The following SLCO1A2 variants were observed in gnomAD, a reference collection of about 807,000 sequenced individuals.
SLCO1A2 encodes the protein OATP-1.
Under a neutral mutation model 69.0 loss-of-function variants are expected in SLCO1A2, and 67 were observed. That is an observed-to-expected ratio of 0.97 (90% CI 0.80 to 1.19). The LOEUF is 1.19. Among genes scored for constraint, SLCO1A2 ranks in the 50% most tolerant of loss-of-function variants. SLCO1A2 has a pLI of 0.00. For synonymous variants in SLCO1A2, 260 were observed against 265.9 expected, an observed-to-expected ratio of 0.98 and a Z score of 0.22; for missense variants, 787 against 793.7, an observed-to-expected ratio of 0.99 and a Z score of 0.10.
chr12:21,275,041 A>T, intron 13 of SLCO1A2: 1 of 1,019,316 alleles, frequency 9.8e-7, no homozygotes, highest in Non-Finnish European at 1.2e-6. Flanking sequence ...TACAGAAGGG[A>T]CATTTGCTAG....
chr12:21,273,257 T>C (rs1371914682), intron 14 of SLCO1A2, among the ~76,000 whole-genome samples: 1 of 152,226 alleles, frequency 6.6e-6, no homozygotes. Flanking sequence ...AGACATTTTC[T>C]TATCATCATG....
intron 1 of SLCO1A2, among the ~76,000 whole-genome samples, chr12:21,416,023 A>C (rs1357036074): frequency 2.0e-5 from 3 of 152,050 alleles, no homozygotes; most frequent in African/African-American, 7.2e-5. Context: ...CTTTTTATAC[A>C]TAGTATCCTC....
At chr12:21,324,293 TTC>T (rs990966874) in intron 2 of SLCO1A2, among the ~76,000 whole-genome samples, 2 of 152,198 alleles carry the variant, frequency 1.3e-5, no homozygotes, top group Admixed American at 1.3e-4. Context: ...GAAACAATTT[TTC>T]TCTCTCTCTA....
chr12:21,285,362 AT>A (rs1471969625), intron 12 of SLCO1A2, among the ~76,000 whole-genome samples: 3 of 151,370 alleles, frequency 2.0e-5, no homozygotes, highest in Non-Finnish European at 4.4e-5. Context: ...TGTGGCAATA[AT>A]CAATAGTTTA....
chr12:21,313,565 A>C (rs1950483397), intron 4 of SLCO1A2, among the ~76,000 whole-genome samples: 1 of 152,076 alleles, frequency 6.6e-6, no homozygotes, highest in South Asian at 2.1e-4. Flanking sequence ...TACAAAAATT[A>C]ACTGAGTGTA....
At chr12:21,387,814 C>T (rs139330066) in intron 1 of SLCO1A2, among the ~76,000 whole-genome samples, 5,804 of 152,224 alleles carry the variant, frequency 0.038, 140 homozygotes, top group African/African-American at 0.068. Flanking sequence ...CAGCTTGCAC[C>T]GTGCACCTGG....
intron 5 of SLCO1A2, among the ~76,000 whole-genome samples, chr12:21,306,623 G>A (rs1233305634): frequency 9.2e-5 from 14 of 152,014 alleles, no homozygotes; most frequent in Admixed American, 1.3e-4. Context: ...CACTGCACCC[G>A]GCCCTTTGAC....
intron 2 of SLCO1A2, among the ~76,000 whole-genome samples, chr12:21,330,026 C>G (rs938964024): frequency 3.9e-5 from 6 of 152,014 alleles, no homozygotes; most frequent in African/African-American, 1.4e-4. Context: ...CTGAAAAGCA[C>G]TTATTTTTCT....
At chr12:21,370,113 G>A (rs551037656) in intron 2 of SLCO1A2, among the ~76,000 whole-genome samples, 1 of 152,100 alleles carries the variant, frequency 6.6e-6, no homozygotes, top group African/African-American at 2.4e-5. Context: ...AAATATCCTG[G>A]ATCAGACAGA....
At chr12:21,401,039 A>T (rs557459752) in intron 1 of SLCO1A2, among the ~76,000 whole-genome samples, 1 of 147,068 alleles carries the variant, frequency 6.8e-6, no homozygotes, top group Admixed American at 6.7e-5. Context: ...ATAAAAAAAA[A>T]GACAAAAAAA....
At chr12:21,353,401 A>G (rs779803132) in intron 2 of SLCO1A2, among the ~76,000 whole-genome samples, 17 of 152,100 alleles carry the variant, frequency 1.1e-4, no homozygotes, top group Non-Finnish European at 2.2e-4. Flanking sequence ...GAGGGAAAAA[A>G]TGCTTAATCC....
upstream of SLCO1A2, among the ~76,000 whole-genome samples, chr12:21,336,614 C>T (rs970239891): frequency 2.0e-5 from 3 of 151,996 alleles, no homozygotes; most frequent in Non-Finnish European, 4.4e-5. Flanking sequence ...AGATACATTT[C>T]AAACATCTTC....
At chr12:21,270,834 G>A (rs1942684968) in intron 14 of SLCO1A2, among the ~76,000 whole-genome samples, 1 of 149,104 alleles carries the variant, frequency 6.7e-6, no homozygotes, top group Non-Finnish European at 1.5e-5. Flanking sequence ...CCTTAATGAT[G>A]TTTTATTTGT....
intron 2 of SLCO1A2, among the ~76,000 whole-genome samples, chr12:21,352,394 A>G (rs1938031830): frequency 6.6e-6 from 1 of 152,206 alleles, no homozygotes; most frequent in Admixed American, 6.5e-5. Flanking sequence ...TTTTTGCAGT[A>G]ACTGGCTTAT....
chr12:21,343,154 T>G (rs74064523), intron 2 of SLCO1A2, among the ~76,000 whole-genome samples: 176 of 152,240 alleles, frequency 1.2e-3, no homozygotes, highest in African/African-American at 4.0e-3. Context: ...ACCTGTTGCT[T>G]TGGGACTCTG....
intron 11 of SLCO1A2, among the ~76,000 whole-genome samples, chr12:21,293,486 A>G (rs922844630): frequency 1.3e-5 from 2 of 151,986 alleles, no homozygotes; most frequent in African/African-American, 4.8e-5. Context: ...GAGGCAAGAG[A>G]ACATTCCTAA....
chr12:21,362,045 T>C (rs928700037), intron 2 of SLCO1A2, among the ~76,000 whole-genome samples: 1 of 151,848 alleles, frequency 6.6e-6, no homozygotes, highest in Non-Finnish European at 1.5e-5. Context: ...ATACAGAGAA[T>C]GCCACAAAGA....
At chr12:21,409,173 C>G (rs1236805116) in intron 1 of SLCO1A2, among the ~76,000 whole-genome samples, 1 of 152,110 alleles carries the variant, frequency 6.6e-6, no homozygotes, top group Non-Finnish European at 1.5e-5. Context: ...AGGGTGGATC[C>G]TGAGGTTTTG....
At chr12:21,293,666 A>AT (rs1422694309) in intron 11 of SLCO1A2, among the ~76,000 whole-genome samples, 2 of 151,866 alleles carry the variant, frequency 1.3e-5, no homozygotes, top group South Asian at 2.1e-4. Context: ...CAATGATAAA[A>AT]TTTTTTTAGT....
Sources: gnomAD v4.1 joint callset for allele counts (sites outside exome capture counted in the v4.1 genomes callset) on GRCh38, gnomAD v4.1.1 for gene constraint, MANE v1.5 for transcripts, NCBI Gene and HGNC (gene_info 2026-07-23, HGNC 2026-07-21) for gene names.